The following SND1 variants were observed in gnomAD, a reference collection of about 807,000 sequenced individuals.
SND1 encodes staphylococcal nuclease domain-containing protein 1.
A neutral mutation model predicts 121.7 loss-of-function variants in SND1; 38 were observed. That is an observed-to-expected ratio of 0.31 (90% confidence interval 0.24 to 0.41). SND1 has a LOEUF of 0.41. Ranked by LOEUF, SND1 falls within the 10% of genes least tolerant of loss-of-function variation. The probability of loss-of-function intolerance (pLI) is 1.00; values close to 1 mark genes in which losing one functional copy is unlikely to be tolerated. For synonymous variants in SND1, 401 were observed against 447.4 expected (o/e 0.90, Z 1.31); for missense variants, 868 against 1,184.6 (o/e 0.73, Z 3.92).
At chr7:127,789,958 T>C (rs1180544132) in intron 10 of SND1, among the ~76,000 whole-genome samples, 6 of 152,360 alleles carry the variant, frequency 3.9e-5, no homozygotes, top group Admixed American at 6.5e-5. Flanking sequence ...TTAGTTCCAA[T>C]GTTAAACCTC....
At chr7:128,058,052 C>T (rs1334807288) in intron 16 of SND1, among the ~76,000 whole-genome samples, 1 of 152,262 alleles carries the variant, frequency 6.6e-6, no homozygotes, top group African/African-American at 2.4e-5. Flanking sequence ...GGATTCACAA[C>T]CTCTAGTTCA....
At chr7:127,675,935 G>T (rs1795607982) in intron 1 of SND1, among the ~76,000 whole-genome samples, 1 of 152,182 alleles carries the variant, frequency 6.6e-6, no homozygotes, top group African/African-American at 2.4e-5. Flanking sequence ...AGGTAGTGAG[G>T]ACTTGGCTTT....
In SND1 at chr7:128,029,422, C is replaced by T. The variant is rs547391147; in HGVS notation, c.1779+38366C>T. On this transcript the variant is annotated intron_variant, in intron 16 of 23. Coordinates refer to ENST00000354725, the MANE Select transcript of SND1 (RefSeq NM_014390.4). The surrounding 1 kb of genome is among the most constrained non-coding windows in gnomAD (Gnocchi z 4.2). ...AGCACGTGGGAAAAGTTCAAGGTGC[C>T]GTCGTTGAGGACAGAGATCCTTGGG... The T allele has an allele frequency of 6.8e-6, 11 of 1,614,150 alleles. No homozygotes were observed. The highest frequency in any genetic ancestry group is 1.3e-5 in the African/African-American group (1 of 75,032).
At chr7:127,926,720 TTTGTTG>T (rs57562959) in intron 14 of SND1, among the ~76,000 whole-genome samples, 11,158 of 142,616 alleles carry the variant, frequency 0.078, 630 homozygotes, top group Middle Eastern at 0.17. Context: ...ACCCGGCTAT[TTTGTTG>T]TTGTTGTTGT....
At chr7:127,887,822 A>G (rs2116731070) in intron 12 of SND1, 80 bp from the exon 13 acceptor site, 1 of 871,648 alleles carries the variant, frequency 1.1e-6, no homozygotes, top group South Asian at 1.4e-5. Flanking sequence ...TAAGACCTCC[A>G]GGTGCTAACT....
At chr7:127,707,497 G>T in intron 8 of SND1, 60 bp from the exon 9 acceptor site, 1 of 1,355,252 alleles carries the variant, frequency 7.4e-7, no homozygotes, top group Non-Finnish European at 1.1e-6. Context: ...GTGCTCCCAT[G>T]GTAGTGGTGG....
intron 1 of SND1, among the ~76,000 whole-genome samples, chr7:127,673,870 C>T (rs533929991): frequency 6.6e-6 from 1 of 152,200 alleles, no homozygotes; most frequent in African/African-American, 2.4e-5. Context: ...GTACTTTCTT[C>T]TGACACAGCA....
intron 16 of SND1, among the ~76,000 whole-genome samples, chr7:128,072,413 A>T (rs56232062): frequency 3.3e-5 from 5 of 152,186 alleles, no homozygotes; most frequent in Non-Finnish European, 7.4e-5. Context: ...GCGGAAACTG[A>T]TGTGGGCCTG....
intron 16 of SND1, among the ~76,000 whole-genome samples, chr7:128,025,987 C>T (rs984062671): frequency 4.6e-5 from 7 of 151,106 alleles, no homozygotes; most frequent in African/African-American, 1.7e-4. Flanking sequence ...AAAGTTACTG[C>T]ATAATTCCCT....
At chr7:127,685,602 T>C (rs116588002) in intron 1 of SND1, among the ~76,000 whole-genome samples, 3 of 152,346 alleles carry the variant, frequency 2.0e-5, no homozygotes, top group African/African-American at 7.2e-5. Context: ...GCAAATACTT[T>C]AAGGTTAATG....
chr7:128,085,699 A>G lies in SND1; in HGVS notation c.2235-12A>G. 3 of 1,613,890 alleles carry G rather than the reference A, an allele frequency of 1.9e-6. No homozygotes were observed. The highest frequency in any genetic ancestry group is 2.5e-6 in the Non-Finnish European group (3 of 1,179,810). On this transcript the variant is annotated splice_polypyrimidine_tract_variant and intron_variant, in intron 19 of 23. Transcript: ENST00000354725. This position sits in a 1 kb window ranked among gnomAD's most constrained non-coding sequence, Gnocchi z 4.4. The stretch of plus-strand genomic sequence containing the variant: ...GGCTGTCTCTTGAGCTCTGCCCATG[A>G]TGCCATTGCAGGTACCGTGCCCGAG...
intron 9 of SND1, among the ~76,000 whole-genome samples, chr7:127,720,185 AAG>A (rs1285125172): frequency 6.6e-6 from 1 of 152,190 alleles, no homozygotes; most frequent in Non-Finnish European, 1.5e-5. Flanking sequence ...GATGGCAAAA[AAG>A]AGTCTAGCTC....
At chr7:127,996,467 T>C (rs1802660008) in intron 16 of SND1, among the ~76,000 whole-genome samples, 2 of 152,176 alleles carry the variant, frequency 1.3e-5, no homozygotes, top group Admixed American at 6.5e-5. Context: ...CTCTTAGCCC[T>C]TCCCATTCCA....
intron 16 of SND1, among the ~76,000 whole-genome samples, chr7:128,046,092 G>A (rs547871105): frequency 1.8e-4 from 27 of 152,186 alleles, no homozygotes; most frequent in African/African-American, 6.0e-4. Context: ...CATGAATTTG[G>A]ATACAGAAAA....
chr7:127,909,464 T>C (rs1584659133), intron 14 of SND1, among the ~76,000 whole-genome samples: 1 of 152,052 alleles, frequency 6.6e-6, no homozygotes, highest in East Asian at 1.9e-4. Flanking sequence ...TTTTTTTTTT[T>C]TTAAGGATAC....
At chr7:128,011,251 G>C (rs903603010) in intron 16 of SND1, among the ~76,000 whole-genome samples, 3 of 152,166 alleles carry the variant, frequency 2.0e-5, no homozygotes, top group African/African-American at 7.2e-5. Flanking sequence ...GAGGAATGAT[G>C]CAGACTGGCC....
rs199818480 is a variant in SND1 at position 127,686,633 on chromosome 7, C to G, written c.99C>G (p.Ile33Met). The change falls in exon 2 of 24, where the codon ATC becomes ATG. Residue 33 changes from isoleucine to methionine, a missense_variant. Around this residue, in one of 2 missense-constraint regions of SND1, gnomAD observed 125 missense variants for 113.3 expected, o/e 1.10. Coordinates refer to ENST00000354725, the MANE Select transcript of SND1 (RefSeq NM_014390.4). Reference sequence around the variant, plus strand: ...CGTAGGTCCTCTCAGGGTGCGCCATCATTGTCCGAGGTCAGCCTCGTGGTG... The same window carrying G: ...CGTAGGTCCTCTCAGGGTGCGCCATGATTGTCCGAGGTCAGCCTCGTGGTG... The part of the protein sequence containing the change: ...IIKMVLSGCA[I>M]IVRGQPRGGP... The G allele has an allele frequency of 1.5e-5, 24 of 1,613,970 alleles. No homozygotes were observed. The highest frequency in any genetic ancestry group is 1.7e-5 in the Non-Finnish European group (20 of 1,179,962).
At position 127,722,375 on chromosome 7, in the gene SND1, CA is replaced by C. The variant is rs1173444082; in HGVS notation, c.1152+976del. On this transcript the variant is annotated intron_variant, in intron 10 of 23. Coordinates refer to ENST00000354725, the MANE Select transcript of SND1 (RefSeq NM_014390.4). ...CACACTGGAGTGCAGTGGCTATTCA[CA>C]GGTGTGATCATTGCGCCCTGCAACT... is the stretch of plus-strand genomic sequence containing the variant. 2.7e-5 allele frequency among the ~76,000 whole-genome samples: 4 copies of C among 150,664 alleles called. No homozygotes were observed. In the East Asian group the frequency reaches 5.9e-4, roughly 22 times the overall value.
At chr7:127,757,095 A>T (rs1001724773) in intron 10 of SND1, among the ~76,000 whole-genome samples, 1 of 152,180 alleles carries the variant, frequency 6.6e-6, no homozygotes, top group East Asian at 1.9e-4. Context: ...CCTCATGTCC[A>T]TTTCCAGATG....
Sources: allele counts gnomAD v4.1 joint callset (sites outside exome capture counted in the v4.1 genomes callset), GRCh38; gene constraint gnomAD v4.1.1; regional missense constraint gnomAD v4.1.1; non-coding constraint Gnocchi (gnomAD v3.1); transcripts MANE v1.5; gene names NCBI Gene and HGNC (gene_info 2026-07-23, HGNC 2026-07-21).